TMEM132D: variants seen among roughly 807,000 people sequenced by gnomAD.
TMEM132D encodes the protein mature OL transmembrane protein.
A neutral mutation model predicts 62.3 loss-of-function variants in TMEM132D; 21 were observed. The ratio of observed to expected loss-of-function variants is 0.34; its 90% confidence interval spans 0.24 to 0.49. The LOEUF is 0.49. TMEM132D is among the 20% of genes least tolerant of loss of function. The pLI is 0.99. For synonymous variants in TMEM132D, 621 were observed against 575.6 expected (o/e 1.08, Z -1.13); for missense variants, 1,346 against 1,402.8 (o/e 0.96, Z 0.65).
intron 3 of TMEM132D, among the ~76,000 whole-genome samples, chr12:129,372,281 G>T (rs1593355259): frequency 6.6e-6 from 1 of 152,288 alleles, no homozygotes; most frequent in African/African-American, 2.4e-5. Context: ...TTTAGGCCAG[G>T]GGTCCCCAGT....
At chr12:129,345,982 TC>T (rs1869672714) in intron 3 of TMEM132D, among the ~76,000 whole-genome samples, 1 of 152,192 alleles carries the variant, frequency 6.6e-6, no homozygotes, top group Admixed American at 6.5e-5. Flanking sequence ...TCCCTCTTTT[TC>T]TGCTGTTTGG....
chr12:129,877,189 T>C (rs56376892), intron 1 of TMEM132D, among the ~76,000 whole-genome samples: 1 of 19,250 alleles, frequency 5.2e-5, no homozygotes, highest in African/African-American at 7.7e-5. Context: ...TTATGTAATA[T>C]TATAGTATAA....
At chr12:129,508,561 A>T (rs1310408305) in intron 3 of TMEM132D, among the ~76,000 whole-genome samples, 1 of 152,166 alleles carries the variant, frequency 6.6e-6, no homozygotes, top group African/African-American at 2.4e-5. Flanking sequence ...CAGCTAGGAC[A>T]TCCTGCCTCA....
At chr12:129,321,784 C>T (rs892630356) in intron 4 of TMEM132D, among the ~76,000 whole-genome samples, 1 of 152,164 alleles carries the variant, frequency 6.6e-6, no homozygotes, top group African/African-American at 2.4e-5. Context: ...TGGTCTCGAT[C>T]TCCTGACCTC....
At chr12:129,231,936 G>A (rs1879651273) in intron 4 of TMEM132D, among the ~76,000 whole-genome samples, 1 of 152,158 alleles carries the variant, frequency 6.6e-6, no homozygotes, top group Admixed American at 6.5e-5. Context: ...AATGCCTTGG[G>A]CCTGCTTCTT....
chr12:129,897,783 A>G (rs977834255), intron 1 of TMEM132D, among the ~76,000 whole-genome samples: 3 of 152,212 alleles, frequency 2.0e-5, no homozygotes, highest in Admixed American at 6.5e-5. Flanking sequence ...ATCAAGGGTC[A>G]TCTGTATACC....
At chr12:129,372,349 A>G (rs1424372727) in intron 3 of TMEM132D, among the ~76,000 whole-genome samples, 1 of 152,158 alleles carries the variant, frequency 6.6e-6, no homozygotes, top group African/African-American at 2.4e-5. Context: ...CCACAAGGTA[A>G]GAGGTGAGTG....
At position 129,082,051 on chromosome 12, in the gene TMEM132D, A is replaced by G. The variant is rs1397626932; in HGVS notation, c.1650-19T>C. 1 of 1,584,868 alleles carries G rather than the reference A, an allele frequency of 6.3e-7. No homozygotes were observed. Among genetic ancestry groups the G allele is most frequent in the Non-Finnish European group, 8.6e-7 (1 of 1,163,190 alleles). Reference sequence around the variant, plus strand: ...GGCAGGCCTGTGAAAGAAGCAGTGCAGTTTGCAGACAGTTACTTGTTGGTC... The same window carrying G: ...GGCAGGCCTGTGAAAGAAGCAGTGCGGTTTGCAGACAGTTACTTGTTGGTC... On this transcript the variant is annotated intron_variant, in intron 6 of 8. Transcript: ENST00000422113.
intron 3 of TMEM132D, among the ~76,000 whole-genome samples, chr12:129,425,677 C>T (rs577534192): frequency 3.3e-5 from 5 of 152,128 alleles, no homozygotes; most frequent in Non-Finnish European, 4.4e-5. Flanking sequence ...AACACTGGAA[C>T]ACTGATGTTG....
chr12:129,372,328 T>C (rs1870633750), intron 3 of TMEM132D, among the ~76,000 whole-genome samples: 1 of 152,214 alleles, frequency 6.6e-6, no homozygotes, highest in Non-Finnish European at 1.5e-5. Flanking sequence ...CATGGCCTGT[T>C]AGGAACTGGG....
At chr12:129,702,844 T>C (rs1450679216) in intron 1 of TMEM132D, among the ~76,000 whole-genome samples, 1 of 152,266 alleles carries the variant, frequency 6.6e-6, no homozygotes, top group African/African-American at 2.4e-5. Context: ...ATGCTTTTTA[T>C]GTCACAAAGA....
chr12:129,149,828 C>A (rs956379460), intron 5 of TMEM132D, among the ~76,000 whole-genome samples: 2 of 152,092 alleles, frequency 1.3e-5, no homozygotes, highest in South Asian at 4.2e-4. Flanking sequence ...AGATAGACAG[C>A]GGAAATAGAA....
At chr12:129,551,432 T>C (rs559335366) in intron 2 of TMEM132D, among the ~76,000 whole-genome samples, 3 of 152,326 alleles carry the variant, frequency 2.0e-5, no homozygotes, top group African/African-American at 7.2e-5. Flanking sequence ...AAATAGCAGC[T>C]CAGGGGTTGA....
At chr12:129,115,676 C>G (rs1875871333) in intron 5 of TMEM132D, among the ~76,000 whole-genome samples, 1 of 152,170 alleles carries the variant, frequency 6.6e-6, no homozygotes, top group Non-Finnish European at 1.5e-5. Context: ...CTGGGATCCC[C>G]CAGGCACACT....
intron 5 of TMEM132D, among the ~76,000 whole-genome samples, chr12:129,204,817 A>G (rs1471740284): frequency 4.6e-5 from 7 of 152,220 alleles, no homozygotes; most frequent in African/African-American, 1.7e-4. Context: ...CACCAGGCTA[A>G]CAGTGGACCT....
At chr12:129,426,695 AGCCAAACTCTT>A (rs1872511962) in intron 3 of TMEM132D, among the ~76,000 whole-genome samples, 1 of 152,222 alleles carries the variant, frequency 6.6e-6, no homozygotes, top group African/African-American at 2.4e-5. Context: ...GCTTACTCTA[AGCCAAACTCTT>A]TATATATATT....
At chr12:129,612,861 G>A (rs141038083) in intron 2 of TMEM132D, among the ~76,000 whole-genome samples, 8 of 152,224 alleles carry the variant, frequency 5.3e-5, no homozygotes, top group East Asian at 3.9e-4. Context: ...GCGAGACTCC[G>A]TCTCCAACAA....
At chr12:129,203,755 C>G (rs541244752) in intron 5 of TMEM132D, among the ~76,000 whole-genome samples, 3 of 152,340 alleles carry the variant, frequency 2.0e-5, no homozygotes, top group Admixed American at 2.0e-4. Context: ...TAAGGACAGG[C>G]GGGCACAACC....
intron 2 of TMEM132D, 76 bp from the exon 3 acceptor site, chr12:129,531,281 G>A: frequency 1.3e-6 from 2 of 1,481,598 alleles, no homozygotes; most frequent in Non-Finnish European, 9.0e-7. Flanking sequence ...GGAACACGGG[G>A]AGCTTAATTG....
Sources: gnomAD v4.1 joint callset for allele counts (sites outside exome capture counted in the v4.1 genomes callset) on GRCh38, gnomAD v4.1.1 for gene constraint, MANE v1.5 for transcripts, NCBI Gene and HGNC (gene_info 2026-07-23, HGNC 2026-07-21) for gene names.